The following RARB variants were observed in gnomAD, a reference collection of about 807,000 sequenced individuals.
The protein encoded by RARB is retinoic acid receptor beta, also known as HBV-activated protein.
In RARB, 17 loss-of-function variants were observed where a neutral mutation model predicts 51.9. The ratio of observed to expected loss-of-function variants is 0.33; its 90% CI spans 0.22 to 0.49. The LOEUF (loss-of-function observed/expected upper bound fraction) is 0.49. RARB is among the 20% of genes least tolerant of loss of function. The probability of loss-of-function intolerance (pLI) is 0.99; values close to 1 mark genes in which losing one functional copy is unlikely to be tolerated. For synonymous variants in RARB, 215 were observed against 195.4 expected (o/e 1.10, Z -0.84); for missense variants, 369 against 550.8 (o/e 0.67, Z 3.30).
At chr3:24,968,412 T>A (rs1277436895) in intron 2 of RARB, among the ~76,000 whole-genome samples, 2 of 152,130 alleles carry the variant, frequency 1.3e-5, no homozygotes, top group Admixed American at 1.3e-4. Context: ...ATCAGTTAAC[T>A]TTGCCATGTA....
At chr3:24,926,907 T>A (rs1394552881) in intron 2 of RARB, among the ~76,000 whole-genome samples, 2 of 152,070 alleles carry the variant, frequency 1.3e-5, no homozygotes, top group African/African-American at 4.8e-5. Flanking sequence ...AGAAATTAAG[T>A]GAAAAGACTA....
chr3:25,399,388 CTG>C (rs973019462), intron 5 of RARB, among the ~76,000 whole-genome samples: 1 of 152,184 alleles, frequency 6.6e-6, no homozygotes, highest in Non-Finnish European at 1.5e-5. Context: ...GTGACACAGT[CTG>C]GACCACCTAG....
chr3:24,918,440 T>C (rs1339381546), intron 2 of RARB, among the ~76,000 whole-genome samples: 1 of 152,174 alleles, frequency 6.6e-6, no homozygotes, highest in Non-Finnish European at 1.5e-5. Flanking sequence ...TGGGGTCTTT[T>C]TGGGGTGACG....
chr3:25,276,500 T>C (rs1474889079), intron 5 of RARB, among the ~76,000 whole-genome samples: 1 of 152,192 alleles, frequency 6.6e-6, no homozygotes, highest in African/African-American at 2.4e-5. Flanking sequence ...TGAAGCAAAA[T>C]ATAACGGAAG....
chr3:25,130,888 TTGA>T (rs977088196), intron 3 of RARB, among the ~76,000 whole-genome samples: 3 of 31,758 alleles, frequency 9.4e-5, no homozygotes, highest in African/African-American at 3.4e-4. Context: ...ATATTTATTA[TTGA>T]TAATATCAAT....
At chr3:24,915,275 C>A (rs1190991885) in intron 2 of RARB, among the ~76,000 whole-genome samples, 2 of 152,156 alleles carry the variant, frequency 1.3e-5, no homozygotes, top group African/African-American at 4.8e-5. Context: ...CTAGTAGTCA[C>A]AGACATAAAA....
intron 5 of RARB, among the ~76,000 whole-genome samples, chr3:25,357,749 C>G (rs1462175352): frequency 6.6e-6 from 1 of 152,172 alleles, no homozygotes; most frequent in Non-Finnish European, 1.5e-5. Flanking sequence ...GTTTTCCCAA[C>G]AATGCTTATT....
At position 25,332,876 on chromosome 3, in the gene RARB, C is replaced by T. The variant is rs9755990; in HGVS notation, c.179-128317C>T. Among the ~76,000 whole-genome samples, 681 of 152,250 alleles carry T rather than the reference C, an allele frequency of 4.5e-3. 5 individuals are homozygous for T. Among genetic ancestry groups the T allele is most frequent in the African/African-American group, 0.015 (637 of 41,524 alleles). Reference sequence around the variant, plus strand: ...CAAAAATCACAAGCAGTCCTATACACCAATAACAAACAAACAGAGAGCCAA... The same window carrying T: ...CAAAAATCACAAGCAGTCCTATACATCAATAACAAACAAACAGAGAGCCAA... On this transcript the variant is annotated intron_variant, in intron 5 of 11. Coordinates refer to the RARB transcript ENST00000383772.
chr3:25,315,123 T>C (rs1467998528), intron 5 of RARB, among the ~76,000 whole-genome samples: 2 of 152,224 alleles, frequency 1.3e-5, no homozygotes, highest in Non-Finnish European at 2.9e-5. Context: ...AAATTCATGC[T>C]GAATGTGGAA....
At chr3:25,345,686 A>T (rs1158214631) in intron 5 of RARB, among the ~76,000 whole-genome samples, 5 of 151,084 alleles carry the variant, frequency 3.3e-5, no homozygotes, top group Non-Finnish European at 7.4e-5. Flanking sequence ...AAAAAAAAAA[A>T]TTCATCAAAG....
At chr3:25,553,323 C>G (rs964891280) in intron 3 of RARB, among the ~76,000 whole-genome samples, 3 of 152,180 alleles carry the variant, frequency 2.0e-5, no homozygotes, top group South Asian at 2.1e-4. Flanking sequence ...CACCACCCCT[C>G]AAGGAATGAT....
chr3:25,242,086 T>G (rs919669659), intron 5 of RARB, among the ~76,000 whole-genome samples: 1 of 152,224 alleles, frequency 6.6e-6, no homozygotes, highest in African/African-American at 2.4e-5. Context: ...TTTCATATGT[T>G]TTTTGGCCAC....
At position 25,088,804 on chromosome 3, in the gene RARB, G is replaced by T. The variant is rs544598099; in HGVS notation, c.-328+28628G>T. Among the ~76,000 whole-genome samples, 3 of 151,654 alleles carry T rather than the reference G, an allele frequency of 2.0e-5. No individual in the cohort carries two copies. In the South Asian group the frequency reaches 6.2e-4, roughly 31 times the overall value. On this transcript the variant is annotated intron_variant, in intron 3 of 11. Transcript: ENST00000383772. ...TTAGTATTGAAAAGCCGCTCCCAGA[G>T]TCTCTGACAAGTTGCTAAGTTGCTG...
intron 1 of RARB, among the ~76,000 whole-genome samples, chr3:25,447,397 T>C (rs1375628318): frequency 2.0e-5 from 3 of 152,222 alleles, no homozygotes; most frequent in Non-Finnish European, 4.4e-5. Context: ...ATGTTTGCCT[T>C]GTGGCATTTT....
intron 2 of RARB, among the ~76,000 whole-genome samples, chr3:24,977,100 G>A (rs1232502587): frequency 6.6e-6 from 1 of 152,052 alleles, no homozygotes; most frequent in East Asian, 1.9e-4. Context: ...TGAGGCCTCT[G>A]TTCTGTTCCA....
At chr3:25,581,177 A>G (rs539469753) in intron 5 of RARB, among the ~76,000 whole-genome samples, 2 of 152,306 alleles carry the variant, frequency 1.3e-5, no homozygotes, top group East Asian at 3.9e-4. Context: ...CTCTCCTCCT[A>G]AGTGGGAGTG....
chr3:25,120,928 TA>T (rs1434531755), intron 3 of RARB, among the ~76,000 whole-genome samples: 6 of 152,152 alleles, frequency 3.9e-5, no homozygotes, highest in Non-Finnish European at 8.8e-5. Context: ...GAGTAGTCGC[TA>T]CAGAGATCCT....
intron 2 of RARB, among the ~76,000 whole-genome samples, chr3:24,877,440 T>C (rs981487813): frequency 7.0e-6 from 1 of 143,826 alleles, no homozygotes; most frequent in Admixed American, 7.4e-5. Context: ...AAAAGTAGAG[T>C]GCAGGTATGG....
intron 2 of RARB, among the ~76,000 whole-genome samples, chr3:24,965,541 G>A (rs1323154157): frequency 1.3e-5 from 2 of 152,054 alleles, no homozygotes; most frequent in African/African-American, 2.4e-5. Context: ...CATGGGCTCC[G>A]GGCCAGATTG....
Sources: gnomAD v4.1 joint callset for allele counts (sites outside exome capture counted in the v4.1 genomes callset) on GRCh38, gnomAD v4.1.1 for gene constraint, MANE v1.5 for transcripts, NCBI Gene and HGNC (gene_info 2026-07-23, HGNC 2026-07-21) for gene names.